The following IL7 variants were observed in gnomAD, a reference collection of about 807,000 sequenced individuals.
IL7 encodes the protein interleukin 7.
IL7 carries 3 observed loss-of-function variants against 21.6 expected under a neutral mutation model. The observed-to-expected ratio is 0.14, with a 90% CI of 0.06 to 0.36. The LOEUF (loss-of-function observed/expected upper bound fraction) is 0.36, where lower values mean the gene tolerates loss of function less well. IL7 is among the 10% of genes least tolerant of loss of function. The pLI is 1.00. For synonymous variants in IL7, 62 were observed against 68.1 expected, an observed-to-expected ratio of 0.91 and a Z score of 0.44; for missense variants, 175 against 200.2, an observed-to-expected ratio of 0.87 and a Z score of 0.76.
intron 2 of IL7, among the ~76,000 whole-genome samples, chr8:78,764,423 A>G (rs1328134906): frequency 6.6e-6 from 1 of 152,124 alleles, no homozygotes; most frequent in Non-Finnish European, 1.5e-5. Context: ...ATAATTGTCT[A>G]TGTAGAAAAT....
chr8:78,796,275 G>A (rs1413688678), intron 2 of IL7, among the ~76,000 whole-genome samples: 3 of 151,866 alleles, frequency 2.0e-5, no homozygotes, highest in African/African-American at 4.8e-5. Flanking sequence ...CTATGTACCA[G>A]CAATAAACAA....
At chr8:78,748,880 T>C (rs765702650) in intron 2 of IL7, among the ~76,000 whole-genome samples, 8 of 152,132 alleles carry the variant, frequency 5.3e-5, no homozygotes, top group Admixed American at 2.0e-4. Context: ...AATAATGGAA[T>C]GGTAAAATAG....
chr8:78,760,711 A>G, intron 2 of IL7: 1 of 1,565,624 alleles, frequency 6.4e-7, no homozygotes, highest in Non-Finnish European at 8.7e-7. Flanking sequence ...CTTTATAGTA[A>G]CTCTCAAAGG....
chr8:78,802,965 G>C (rs555967957), intron 1 of IL7, among the ~76,000 whole-genome samples: 1 of 152,230 alleles, frequency 6.6e-6, no homozygotes, highest in South Asian at 2.1e-4. Context: ...CAGAAAAAGA[G>C]ACTAAATATT....
At chr8:78,699,155 C>T (rs1810522130) in intron 3 of IL7, among the ~76,000 whole-genome samples, 2 of 151,992 alleles carry the variant, frequency 1.3e-5, no homozygotes, top group Admixed American at 6.5e-5. Context: ...AGCTACTGAA[C>T]TCCATGTGTA....
chr8:78,775,116 C>T (rs1056466199), intron 2 of IL7, among the ~76,000 whole-genome samples: 1 of 151,934 alleles, frequency 6.6e-6, no homozygotes, highest in East Asian at 1.9e-4. Flanking sequence ...CCAGCTTTAC[C>T]AACACACCTT....
chr8:78,768,969 T>C (rs1488818716), intron 2 of IL7, among the ~76,000 whole-genome samples: 1 of 152,160 alleles, frequency 6.6e-6, no homozygotes, highest in African/African-American at 2.4e-5. Flanking sequence ...AAAAGGCCTT[T>C]GACAAAATTC....
chr8:78,769,116 AC>A (rs1812863843), intron 2 of IL7, among the ~76,000 whole-genome samples: 1 of 151,890 alleles, frequency 6.6e-6, no homozygotes, highest in South Asian at 2.1e-4. Flanking sequence ...CCCTTTGAAA[AC>A]TGGCACAAGA....
At chr8:78,782,632 G>T (rs947299269) in intron 2 of IL7, among the ~76,000 whole-genome samples, 5 of 152,048 alleles carry the variant, frequency 3.3e-5, no homozygotes. Flanking sequence ...CTTCATGTTA[G>T]TGGGAATGTC....
intron 3 of IL7, among the ~76,000 whole-genome samples, chr8:78,708,744 G>A (rs1356900321): frequency 1.3e-5 from 2 of 149,190 alleles, no homozygotes; most frequent in Non-Finnish European, 3.0e-5. Context: ...GCAATGGTGC[G>A]ATCTTGGCTC....
chr8:78,766,293 C>T (rs1301610598), intron 2 of IL7, among the ~76,000 whole-genome samples: 1 of 152,050 alleles, frequency 6.6e-6, no homozygotes, highest in Non-Finnish European at 1.5e-5. Flanking sequence ...GTATGTACAA[C>T]ACCAAGAGTG....
chr8:78,731,321 A>T (rs1317195201), downstream of IL7, among the ~76,000 whole-genome samples: 1 of 151,988 alleles, frequency 6.6e-6, no homozygotes, highest in Non-Finnish European at 1.5e-5. Context: ...ATTAGCTTTA[A>T]TTCTATGAAT....
intron 2 of IL7, among the ~76,000 whole-genome samples, chr8:78,757,045 C>G (rs1188588379): frequency 6.6e-6 from 1 of 151,784 alleles, no homozygotes; most frequent in Non-Finnish European, 1.5e-5. Flanking sequence ...TCCCTCTTAG[C>G]ACTACTTTTA....
intron 2 of IL7, among the ~76,000 whole-genome samples, chr8:78,746,052 A>T (rs151141500): frequency 4.5e-4 from 69 of 152,324 alleles, no homozygotes; most frequent in Non-Finnish European, 6.8e-4. Flanking sequence ...AACATTCTTA[A>T]TTCAATCACA....
At chr8:78,676,014 G>T (rs1809567675) in exon 5 of IL7, 2 of 502,664 alleles carry the variant, frequency 4.0e-6, no homozygotes, top group Admixed American at 7.5e-5. Flanking sequence ...TTTCAGCTAT[G>T]CCATTCTTCC....
chr8:78,730,537 C>T (rs1217766857), downstream of IL7, among the ~76,000 whole-genome samples: 1 of 151,918 alleles, frequency 6.6e-6, no homozygotes, highest in African/African-American at 2.4e-5. Context: ...ATTTTGAGTA[C>T]ACAAAGTTGG....
At position 78,797,925 on chromosome 8, in the gene IL7, TAC is replaced by T. The variant is rs1489730133; in HGVS notation, c.147+145_147+146del. The T allele has an allele frequency of 1.1e-4, 58 of 511,224 alleles. 1 individual carries two copies. The Admixed American group carries it at 2.0e-3, about 17-fold the overall frequency. 31.7% of individuals were successfully genotyped at this position (511,224 alleles called of 1,614,324 possible). On this transcript the variant is annotated intron_variant, in intron 2 of 5. Coordinates refer to ENST00000263851, the MANE Select transcript of IL7 (RefSeq NM_000880.4). ...CATAATTATGTCAGCTATAAAAATA[TAC>T]AGTTAGTAGCTCATTAAATTTTATT...
exon 5 of IL7, chr8:78,675,750 T>A (rs778395287): frequency 6.7e-7 from 1 of 1,497,898 alleles, no homozygotes; most frequent in Non-Finnish European, 9.2e-7. Flanking sequence ...CAATTTCAAG[T>A]TATATAAATT....
At chr8:78,699,139 A>G (rs1257030729) in intron 3 of IL7, among the ~76,000 whole-genome samples, 1 of 146,896 alleles carries the variant, frequency 6.8e-6, no homozygotes, top group African/African-American at 2.5e-5. Context: ...CTGTTAGGAA[A>G]ATGTTAGCTA....
Sources: gnomAD v4.1 joint callset for allele counts (sites outside exome capture counted in the v4.1 genomes callset) on GRCh38, gnomAD v4.1.1 for gene constraint, MANE v1.5 for transcripts, NCBI Gene and HGNC (gene_info 2026-07-23, HGNC 2026-07-21) for gene names.